The following ARID1B variants were observed in gnomAD, a reference collection of about 807,000 sequenced individuals.
ARID1B encodes the protein AT-rich interactive domain-containing protein 1B.
A neutral mutation model predicts 212.3 loss-of-function variants in ARID1B; 30 were observed. The observed-to-expected ratio is 0.14, with a 90% CI of 0.11 to 0.19. ARID1B has a LOEUF of 0.19. Ranked by LOEUF, ARID1B falls within the 10% of genes least tolerant of loss-of-function variation. The probability of loss-of-function intolerance (pLI) is 1.00; values close to 1 mark genes in which losing one functional copy is unlikely to be tolerated. For missense variants in ARID1B, 2,891 were observed against 3,204.0 expected (o/e 0.90, Z 2.36); for synonymous variants, 1,402 against 1,301.7 (o/e 1.08, Z -1.66).
At chr6:156,837,687 G>C (rs1300693388) in intron 2 of ARID1B, among the ~76,000 whole-genome samples, 3 of 152,144 alleles carry the variant, frequency 2.0e-5, no homozygotes, top group African/African-American at 7.2e-5. Context: ...CTGTAGTTGT[G>C]AATGAAATTA....
chr6:157,167,874 A>C (rs149293419), intron 9 of ARID1B: 51 of 152,304 alleles, frequency 3.3e-4, no homozygotes, highest in African/African-American at 1.2e-3. Flanking sequence ...CCCCCTCCTC[A>C]GGTTCCGTAA....
At chr6:157,062,688 T>TAA (rs1185276846) in intron 4 of ARID1B, among the ~76,000 whole-genome samples, 4 of 140,912 alleles carry the variant, frequency 2.8e-5, no homozygotes, top group East Asian at 2.1e-4. Context: ...TGGTATGTTT[T>TAA]AAAATATATA....
At chr6:156,976,973 G>A (rs1322745483) in intron 4 of ARID1B, 1 of 528,958 alleles carries the variant, frequency 1.9e-6, no homozygotes, top group Admixed American at 1.9e-5. Flanking sequence ...CATCCTGCCA[G>A]TTTGGTTTCA....
At chr6:157,144,865 G>A (rs2128620289) in intron 7 of ARID1B, among the ~76,000 whole-genome samples, 1 of 152,302 alleles carries the variant, frequency 6.6e-6, no homozygotes, top group African/African-American at 2.4e-5. Context: ...GATGAACAGT[G>A]GTGTTTTTTT....
chr6:157,089,005 C>T (rs1337766692), intron 5 of ARID1B, among the ~76,000 whole-genome samples: 1 of 152,206 alleles, frequency 6.6e-6, no homozygotes, highest in Non-Finnish European at 1.5e-5. Context: ...TGTTTGGCCT[C>T]TCTTCTCTCC....
intron 6 of ARID1B, among the ~76,000 whole-genome samples, chr6:157,116,654 G>A (rs780647960): frequency 4.5e-4 from 68 of 151,692 alleles, no homozygotes; most frequent in African/African-American, 9.7e-4. Flanking sequence ...TGTGAGCCAC[G>A]AGGAAATGTA....
chr6:156,921,575 T>C (rs893475719), intron 3 of ARID1B, among the ~76,000 whole-genome samples: 2 of 152,110 alleles, frequency 1.3e-5, no homozygotes, highest in African/African-American at 4.8e-5. Context: ...TCTACTTTCG[T>C]AGAAGATTGG....
chr6:156,858,791 A>T (rs988562692), intron 2 of ARID1B, among the ~76,000 whole-genome samples: 2 of 152,126 alleles, frequency 1.3e-5, no homozygotes, highest in African/African-American at 2.4e-5. Context: ...AAAACAAAAA[A>T]CAAACCACAC....
Position 157,203,971 on chromosome 6 carries a change from C to T in ARID1B, c.5369C>T (p.Thr1790Ile). Residue 1790 changes from threonine to isoleucine, a missense_variant, in exon 19 of 20, where the codon ACT (threonine) becomes ATT (isoleucine). This residue lies in a region of ARID1B where 332 missense variants were observed against 369.2 expected (regional missense o/e 0.90). Coordinates refer to ENST00000636930, the MANE Select transcript of ARID1B (RefSeq NM_001374828.1). The surrounding 1 kb of genome is among the most constrained non-coding windows in gnomAD (Gnocchi z 4.4). ...AATATTCTTCTGTATGATGACAGCA[C>T]TGTTGCTACTTTCAATCTCTCCCAG... is the stretch of plus-strand genomic sequence containing the variant. ...TINILLYDDS[T>I]VATFNLSQLS... The T allele has an allele frequency of 6.2e-7, 1 of 1,614,138 alleles. No homozygotes were observed. Among genetic ancestry groups the T allele is most frequent in the Non-Finnish European group, 8.5e-7 (1 of 1,179,992 alleles).
intron 4 of ARID1B, among the ~76,000 whole-genome samples, chr6:157,013,178 C>T (rs552751241): frequency 6.6e-5 from 10 of 152,270 alleles, no homozygotes; most frequent in Non-Finnish European, 1.2e-4. Context: ...GGCGCCCTGC[C>T]GGCATGAAGT....
At chr6:156,929,863 T>C (rs1791557057) in intron 3 of ARID1B, among the ~76,000 whole-genome samples, 1 of 152,102 alleles carries the variant, frequency 6.6e-6, no homozygotes, top group Admixed American at 6.6e-5. Context: ...CTCCTTTCCC[T>C]CCTCCATTCC....
At chr6:156,993,276 A>T (rs1778374461) in intron 4 of ARID1B, among the ~76,000 whole-genome samples, 1 of 152,192 alleles carries the variant, frequency 6.6e-6, no homozygotes, top group Non-Finnish European at 1.5e-5. Context: ...TCCTGACCTC[A>T]GGTGATCCAC....
chr6:156,821,160 T>G (rs1485059717), intron 1 of ARID1B, among the ~76,000 whole-genome samples: 1 of 152,162 alleles, frequency 6.6e-6, no homozygotes, highest in Non-Finnish European at 1.5e-5. Context: ...ATAAGCGAAA[T>G]GCAAACAAGC....
At chr6:156,871,830 C>T (rs1380082682) in intron 2 of ARID1B, among the ~76,000 whole-genome samples, 1 of 152,144 alleles carries the variant, frequency 6.6e-6, no homozygotes, top group Non-Finnish European at 1.5e-5. Context: ...CCAGGTCCTT[C>T]CAGGGCCTCC....
At chr6:156,894,655 A>G (rs1788242909) in intron 2 of ARID1B, among the ~76,000 whole-genome samples, 1 of 152,176 alleles carries the variant, frequency 6.6e-6, no homozygotes. Flanking sequence ...TTGTTCATAG[A>G]TTCTTTTCCT....
intron 1 of ARID1B, among the ~76,000 whole-genome samples, chr6:156,808,707 A>G (rs907048796): frequency 7.2e-5 from 11 of 152,192 alleles, no homozygotes; most frequent in Admixed American, 5.9e-4. Flanking sequence ...TAAAAACATT[A>G]TCTGTATTGT....
intron 8 of ARID1B, chr6:157,151,501 CAGAT>C (rs1181188907): frequency 6.6e-6 from 1 of 152,184 alleles, no homozygotes; most frequent in East Asian, 1.9e-4. Context: ...AATAATCCAA[CAGAT>C]AATTTTCTGT....
At chr6:156,897,220 T>TGCTTCTGCTTCTTCC in intron 2 of ARID1B, among the ~76,000 whole-genome samples, 2 of 74,478 alleles carry the variant, frequency 2.7e-5, no homozygotes, top group Middle Eastern at 5.6e-3. Flanking sequence ...CTGCTGCTGC[T>TGCTTCTGCTTCTTCC]TCTTCTTCTT....
chr6:156,804,867 CAAAAAAAAAAAAAAAA>C (rs61315445), intron 1 of ARID1B, among the ~76,000 whole-genome samples: 1 of 85,084 alleles, frequency 1.2e-5, no homozygotes, highest in South Asian at 5.2e-4. Context: ...ATCTGATTGG[CAAAAAAAAAAAAAAAA>C]AAAAAAGAAA....
Sources: gnomAD v4.1 joint callset for allele counts (sites outside exome capture counted in the v4.1 genomes callset) on GRCh38, gnomAD v4.1.1 for gene constraint, gnomAD v4.1.1 regional missense constraint, Gnocchi (gnomAD v3.1) non-coding constraint, MANE v1.5 for transcripts, NCBI Gene and HGNC (gene_info 2026-07-23, HGNC 2026-07-21) for gene names.